ZNF69: variants seen among roughly 807,000 people sequenced by gnomAD.
ZNF69 encodes zinc finger protein 69.
Under a neutral mutation model 50.9 loss-of-function variants are expected in ZNF69, and 47 were observed. That is an observed-to-expected ratio of 0.92 (90% confidence interval 0.73 to 1.18). ZNF69 has a LOEUF of 1.18. ZNF69 is among the 50% of genes most tolerant of loss of function. ZNF69 has a pLI of 0.00. For missense variants in ZNF69, 717 were observed against 675.1 expected (o/e 1.06, Z -0.69); for synonymous variants, 216 against 223.1 (o/e 0.97, Z 0.29).
At chr19:11,932,030 G>A in the ZNF69 span, among the ~76,000 whole-genome samples, 3 of 147,388 alleles carry the variant, frequency 2.0e-5, 1 homozygote, top group African/African-American at 5.3e-5. Flanking sequence ...CAGGAGAATC[G>A]CTTGAACCTG....
At chr19:11,942,604 T>A in the ZNF69 span, among the ~76,000 whole-genome samples, 1 of 152,176 alleles carries the variant, frequency 6.6e-6, no homozygotes, top group African/African-American at 2.4e-5. Flanking sequence ...TTTGAAGGCT[T>A]ACACAGGGAT....
chr19:11,964,878 G>A, the ZNF69 span, among the ~76,000 whole-genome samples: 1 of 152,358 alleles, frequency 6.6e-6, no homozygotes, highest in Non-Finnish European at 1.5e-5. Context: ...TAGAGAAGCT[G>A]TGGCTAGAAT....
intron 1 of ZNF69, among the ~76,000 whole-genome samples, chr19:11,894,776 G>A (rs147535625): frequency 3.9e-5 from 6 of 152,232 alleles, no homozygotes; most frequent in East Asian, 1.9e-4. Context: ...CCCAGTTTTC[G>A]TAAGTTGGAG....
intron 1 of ZNF69, among the ~76,000 whole-genome samples, chr19:11,898,408 T>TTTTG (rs1266737481): frequency 7.4e-6 from 1 of 134,844 alleles, no homozygotes. Flanking sequence ...TTTTTTTTTT[T>TTTTG]GAGACAGAAT....
chr19:11,968,814 G>C, the ZNF69 span, among the ~76,000 whole-genome samples: 1 of 152,082 alleles, frequency 6.6e-6, no homozygotes, highest in South Asian at 2.1e-4. Flanking sequence ...GATCTCAGGA[G>C]TTGAAGACCA....
chr19:11,894,417 G>C (rs1470580437), intron 1 of ZNF69, among the ~76,000 whole-genome samples: 1 of 152,198 alleles, frequency 6.6e-6, no homozygotes, highest in Non-Finnish European at 1.5e-5. Flanking sequence ...TGGGATTACA[G>C]GCATGAGATA....
the ZNF69 span, among the ~76,000 whole-genome samples, chr19:11,973,507 G>A: frequency 1.3e-5 from 2 of 151,976 alleles, no homozygotes; most frequent in African/African-American, 4.8e-5. Context: ...GAGCCACCAC[G>A]TTCGGCCACT....
At chr19:11,975,201 C>T in the ZNF69 span, among the ~76,000 whole-genome samples, 2 of 151,460 alleles carry the variant, frequency 1.3e-5, no homozygotes, top group Non-Finnish European at 2.9e-5. Context: ...CGGGTTCAAG[C>T]GATTCTCCTG....
chr19:11,943,106 C>CTAT, the ZNF69 span, among the ~76,000 whole-genome samples: 300 of 152,188 alleles, frequency 2.0e-3, 2 homozygotes, highest in African/African-American at 6.7e-3. Flanking sequence ...AAGCAGGTTT[C>CTAT]TATTATTATT....
the ZNF69 span, chr19:11,965,289 C>T: frequency 2.5e-6 from 4 of 1,599,852 alleles, no homozygotes; most frequent in East Asian, 2.3e-5. Context: ...CGGCGGGACC[C>T]GGGCCTCCCT....
rs150705881 is a variant in ZNF69 at position 11,887,987 on chromosome 19, G to T, written c.63+1G>T. On this transcript the variant is annotated splice_donor_variant, in intron 1 of 3. Transcript: ENST00000429654. LOFTEE classifies it high-confidence loss of function. ...CGGGACATCTGAAAGCCAGGAAATG[G>T]TGCGTGTCTGGGGCCGGGTGTCGTG... The T allele has an allele frequency of 6.2e-7, 1 of 1,611,702 alleles. No homozygotes were observed. The highest frequency in any genetic ancestry group is 1.3e-5 in the African/African-American group (1 of 74,926).
downstream of ZNF69, among the ~76,000 whole-genome samples, chr19:11,911,077 C>A (rs1972451159): frequency 6.6e-6 from 1 of 152,162 alleles, no homozygotes; most frequent in African/African-American, 2.4e-5. Context: ...AAAAAATGCT[C>A]ACCATCACTG....
chr19:11,942,525 C>T, the ZNF69 span, among the ~76,000 whole-genome samples: 3 of 152,240 alleles, frequency 2.0e-5, no homozygotes, highest in Admixed American at 1.3e-4. Context: ...TGGCTTTATT[C>T]GGCCAGGAGC....
chr19:11,935,899 G>T, the ZNF69 span, among the ~76,000 whole-genome samples: 2 of 152,126 alleles, frequency 1.3e-5, no homozygotes, highest in African/African-American at 4.8e-5. Flanking sequence ...GATGTTCCCT[G>T]CCCTGTGTCC....
the ZNF69 span, among the ~76,000 whole-genome samples, chr19:11,929,792 T>A: frequency 1.4e-5 from 2 of 148,112 alleles, no homozygotes; most frequent in Non-Finnish European, 2.9e-5. Flanking sequence ...TGCAGTGAAA[T>A]CTGTTTCTGA....
downstream of ZNF69, among the ~76,000 whole-genome samples, chr19:11,917,430 C>T (rs986512017): frequency 2.0e-5 from 3 of 152,180 alleles, no homozygotes; most frequent in South Asian, 2.1e-4. Flanking sequence ...TTCCTTCACA[C>T]ACTACCTAGG....
chr19:11,977,847 AC>A, the ZNF69 span, among the ~76,000 whole-genome samples: 33 of 152,150 alleles, frequency 2.2e-4, no homozygotes, highest in African/African-American at 6.8e-4. Flanking sequence ...ACAGGATGAG[AC>A]CCTGACTCGA....
chr19:11,915,344 C>T (rs34735843), downstream of ZNF69, among the ~76,000 whole-genome samples: 5,226 of 152,316 alleles, frequency 0.034, 119 homozygotes, highest in Non-Finnish European at 0.051. Context: ...ATGTGACTTT[C>T]CACAGGATGC....
the ZNF69 span, among the ~76,000 whole-genome samples, chr19:11,958,643 G>A: frequency 6.6e-6 from 1 of 152,176 alleles, no homozygotes; most frequent in African/African-American, 2.4e-5. Flanking sequence ...TTTTCTGGCT[G>A]CTCACATTTC....
Sources: gnomAD v4.1 joint callset for allele counts (sites outside exome capture counted in the v4.1 genomes callset) on GRCh38, gnomAD v4.1.1 for gene constraint, MANE v1.5 for transcripts, NCBI Gene and HGNC (gene_info 2026-07-23, HGNC 2026-07-21) for gene names.